CSGALNACT2: variants seen among roughly 807,000 people sequenced by gnomAD.
CSGALNACT2 encodes the protein beta 4 GalNAcT-2.
CSGALNACT2 carries 35 observed loss-of-function variants against 55.3 expected under a neutral mutation model. The observed-to-expected ratio is 0.63, with a 90% CI of 0.48 to 0.84. The LOEUF is 0.84. Among genes scored for constraint, CSGALNACT2 ranks in the 40% least tolerant of loss-of-function variants. The pLI is 0.00. For missense variants in CSGALNACT2, 544 were observed against 657.5 expected (o/e 0.83, Z 1.89); for synonymous variants, 196 against 224.9 (o/e 0.87, Z 1.15).
intron 4 of CSGALNACT2, chr10:43,163,377 G>A (rs2133128055): frequency 1.6e-6 from 1 of 630,482 alleles, no homozygotes; most frequent in Non-Finnish European, 2.0e-6. Flanking sequence ...CTAGCAATAT[G>A]AAGGAAAACA....
In CSGALNACT2 at chr10:43,159,230, A is replaced by T. The variant is rs1162238527; in HGVS notation, c.878+299A>T. 2.0e-5 allele frequency among the ~76,000 whole-genome samples: 3 copies of T among 152,334 alleles called. No homozygotes were observed. In the East Asian group the frequency reaches 5.8e-4, roughly 29 times the overall value. On this transcript the variant is annotated intron_variant, in intron 3 of 7. Transcript: ENST00000374466. ...GTTGAATTTTTAAAAAATCAACTTTACTAAGGAATAATTTACATGCAGTAA... is the reference window on the plus strand; with the variant it reads ...GTTGAATTTTTAAAAAATCAACTTTTCTAAGGAATAATTTACATGCAGTAA...
At chr10:43,167,164 G>A in intron 6 of CSGALNACT2, 66 bp downstream of exon 6, 1 of 1,023,072 alleles carries the variant, frequency 9.8e-7, no homozygotes, top group Non-Finnish European at 1.5e-6. Context: ...TGTTGTGTAA[G>A]TAGAAAACAA....
At chr10:43,170,478 A>T (rs1487108484) in intron 6 of CSGALNACT2, among the ~76,000 whole-genome samples, 1 of 152,246 alleles carries the variant, frequency 6.6e-6, no homozygotes, top group African/African-American at 2.4e-5. Flanking sequence ...CCAGTGCCCA[A>T]GCTGGAACAA....
At chr10:43,151,737 G>C (rs773474337) in intron 1 of CSGALNACT2, among the ~76,000 whole-genome samples, 5 of 152,176 alleles carry the variant, frequency 3.3e-5, no homozygotes, top group Non-Finnish European at 5.9e-5. Context: ...TGCATCCCAT[G>C]AACTCAGGGA....
At chr10:43,164,377 G>A (rs1306930955) in intron 5 of CSGALNACT2, among the ~76,000 whole-genome samples, 2 of 152,192 alleles carry the variant, frequency 1.3e-5, no homozygotes, top group Non-Finnish European at 2.9e-5. Context: ...GGAGATGTGT[G>A]TGAGAGTCTG....
rs772362661 is a variant in CSGALNACT2 at position 43,155,679 on chromosome 10, G to A, written c.530G>A (p.Arg177Gln). The A allele has an allele frequency of 4.3e-6, 7 of 1,614,020 alleles. No individual in the cohort carries two copies. In the African/African-American group the frequency reaches 6.7e-5, roughly 15 times the overall value. ...GAAAAGCCAGTTAGAAAAGACAAAC[G>A]AGATGAATTGGTGGAAGTTATTGAA... ...PEEKPVRKDK[R>Q]DELVEVIEAG... Residue 177 changes from arginine to glutamine, a missense_variant, in exon 2 of 8, where the codon CGA (arginine) becomes CAA (glutamine). By Grantham distance (43) the Arg-to-Gln change is conservative. This residue lies in a region of CSGALNACT2 where 374 missense variants were observed against 401.3 expected (regional missense o/e 0.93). Transcript: ENST00000374466.
rs762657366 is a variant in CSGALNACT2 at position 43,166,987 on chromosome 10, T to G, written c.1160-17T>G. 1 of 1,495,976 alleles carries G rather than the reference T, an allele frequency of 6.7e-7. No individual in the cohort carries two copies. Among genetic ancestry groups the G allele is most frequent in the African/African-American group, 1.4e-5 (1 of 72,410 alleles). 92.7% of individuals were successfully genotyped at this position (1,495,976 alleles called of 1,614,324 possible). A position where few individuals can be genotyped will look rare whatever the true frequency, so the allele number is the denominator to read the frequency against. ...ATAACTTCTTTTTATGTTACAAACC[T>G]ATATTTTAATTTGTAGGTAAGAAGG... On this transcript the variant is annotated splice_polypyrimidine_tract_variant and intron_variant, in intron 5 of 7. Coordinates refer to ENST00000374466, the MANE Select transcript of CSGALNACT2 (RefSeq NM_018590.5).
chr10:43,146,624 G>A (rs1010930752), intron 1 of CSGALNACT2, among the ~76,000 whole-genome samples: 1 of 152,124 alleles, frequency 6.6e-6, no homozygotes, highest in African/African-American at 2.4e-5. Flanking sequence ...CAGATACTCG[G>A]GAAGCTGAGG....
intron 7 of CSGALNACT2, among the ~76,000 whole-genome samples, chr10:43,180,553 A>C (rs372566940): frequency 1.2e-4 from 18 of 152,298 alleles, no homozygotes; most frequent in East Asian, 1.2e-3. Context: ...TAGTTGTTTT[A>C]AATTCCCAGC....
chr10:43,140,147 C>T (rs1489328155), intron 1 of CSGALNACT2, among the ~76,000 whole-genome samples: 1 of 152,004 alleles, frequency 6.6e-6, no homozygotes, highest in African/African-American at 2.4e-5. Flanking sequence ...TGCACTCCAG[C>T]CTGGACGACA....
At chr10:43,169,262 G>C (rs1839335165) in intron 6 of CSGALNACT2, among the ~76,000 whole-genome samples, 1 of 152,154 alleles carries the variant, frequency 6.6e-6, no homozygotes, top group Non-Finnish European at 1.5e-5. Flanking sequence ...AACAATACTT[G>C]AAACAAAAGT....
intron 1 of CSGALNACT2, among the ~76,000 whole-genome samples, chr10:43,154,438 A>T (rs77172800): frequency 0.044 from 6,672 of 152,318 alleles, 181 homozygotes; most frequent in South Asian, 0.089. Context: ...AAGGTATTTT[A>T]AAAAATTCTC....
chr10:43,175,732 A>G (rs983570842), intron 6 of CSGALNACT2, among the ~76,000 whole-genome samples: 6 of 152,206 alleles, frequency 3.9e-5, no homozygotes, highest in African/African-American at 1.4e-4. Context: ...AGGCACCACA[A>G]TGATAATTAG....
intron 5 of CSGALNACT2, among the ~76,000 whole-genome samples, chr10:43,165,571 G>A (rs1024971680): frequency 2.0e-5 from 3 of 152,208 alleles, no homozygotes; most frequent in Admixed American, 1.3e-4. Flanking sequence ...GTCTGAGACA[G>A]GAGGAGCACT....
At chr10:43,169,000 G>A (rs1165713825) in intron 6 of CSGALNACT2, among the ~76,000 whole-genome samples, 1 of 152,214 alleles carries the variant, frequency 6.6e-6, no homozygotes, top group East Asian at 1.9e-4. Flanking sequence ...ATAGCAGACA[G>A]AATGGAGGGA....
intron 1 of CSGALNACT2, among the ~76,000 whole-genome samples, chr10:43,149,010 C>G (rs1838819034): frequency 6.6e-6 from 1 of 152,126 alleles, no homozygotes; most frequent in South Asian, 2.1e-4. Context: ...ACAATGTTAG[C>G]TATGGGTTTT....
chr10:43,182,873 TCAAAAAAAAAAA>T (rs1417472064), intron 7 of CSGALNACT2, among the ~76,000 whole-genome samples: 1 of 77,082 alleles, frequency 1.3e-5, no homozygotes, highest in Non-Finnish European at 2.5e-5. Flanking sequence ...AGACCCTGTC[TCAAAAAAAAAAA>T]CAAAAAAAAA....
At chr10:43,149,592 G>A (rs538696244) in intron 1 of CSGALNACT2, among the ~76,000 whole-genome samples, 5 of 152,192 alleles carry the variant, frequency 3.3e-5, no homozygotes, top group Admixed American at 2.6e-4. Flanking sequence ...TGCTGGGTTC[G>A]TTTTGCTAGT....
At chr10:43,153,310 G>A (rs1221352739) in intron 1 of CSGALNACT2, among the ~76,000 whole-genome samples, 1 of 134,358 alleles carries the variant, frequency 7.4e-6, no homozygotes, top group African/African-American at 2.9e-5. Flanking sequence ...ACTGCAGCCT[G>A]GGCGACAGAG....
Sources: gnomAD v4.1 joint callset for allele counts (sites outside exome capture counted in the v4.1 genomes callset) on GRCh38, gnomAD v4.1.1 for gene constraint, gnomAD v4.1.1 regional missense constraint, MANE v1.5 for transcripts, NCBI Gene and HGNC (gene_info 2026-07-23, HGNC 2026-07-21) for gene names.